The following SLC6A11 variants were observed in gnomAD, a reference collection of about 807,000 sequenced individuals.
SLC6A11 encodes the protein sodium- and chloride-dependent GABA transporter 3.
A neutral mutation model predicts 74.8 loss-of-function variants in SLC6A11; 25 were observed. That is an observed-to-expected ratio of 0.33 (90% CI 0.24 to 0.47). The LOEUF is 0.47. Among genes scored for constraint, SLC6A11 ranks in the 20% least tolerant of loss-of-function variants. The pLI is 1.00. For missense variants in SLC6A11, 574 were observed against 837.0 expected, an observed-to-expected ratio of 0.69 and a Z score of 3.88; for synonymous variants, 330 against 330.2, an observed-to-expected ratio of 1.00 and a Z score of 0.01.
At chr3:10,883,155 G>C (rs1371538817) in intron 6 of SLC6A11, among the ~76,000 whole-genome samples, 1 of 152,202 alleles carries the variant, frequency 6.6e-6, no homozygotes, top group Non-Finnish European at 1.5e-5. Flanking sequence ...CGACACAGCA[G>C]CTTGCCGCTT....
intron 9 of SLC6A11, among the ~76,000 whole-genome samples, chr3:10,928,782 C>A (rs1695644159): frequency 6.6e-6 from 1 of 152,010 alleles, no homozygotes; most frequent in Non-Finnish European, 1.5e-5. Flanking sequence ...GCACGTAACT[C>A]CCACTACAGG....
intron 5 of SLC6A11, among the ~76,000 whole-genome samples, chr3:10,851,963 A>G (rs7647698): frequency 0.087 from 13,272 of 152,294 alleles, 856 homozygotes; most frequent in African/African-American, 0.17. Flanking sequence ...AGCCATCAGG[A>G]GCCCCACACA....
intron 7 of SLC6A11, 147 bp downstream of exon 7, chr3:10,912,340 T>C (rs1575699939): frequency 1.6e-6 from 1 of 629,970 alleles, no homozygotes. Flanking sequence ...TACCGAAGGG[T>C]CAAAGAGTGG....
intron 6 of SLC6A11, among the ~76,000 whole-genome samples, chr3:10,896,912 C>A (rs189312111): frequency 3.5e-4 from 53 of 152,292 alleles, no homozygotes; most frequent in African/African-American, 1.1e-3. Flanking sequence ...TAAACACATA[C>A]CCGAGACTGG....
At chr3:10,850,431 G>A (rs1694558844) in intron 5 of SLC6A11, among the ~76,000 whole-genome samples, 2 of 152,176 alleles carry the variant, frequency 1.3e-5, no homozygotes, top group South Asian at 2.1e-4. Flanking sequence ...TTTCAATGGC[G>A]AGTGAACCAG....
At chr3:10,840,215 C>G (rs950674067) in intron 4 of SLC6A11, among the ~76,000 whole-genome samples, 1 of 152,218 alleles carries the variant, frequency 6.6e-6, no homozygotes, top group African/African-American at 2.4e-5. Context: ...TCACCCAGCC[C>G]TAGCTGCACT....
intron 6 of SLC6A11, among the ~76,000 whole-genome samples, chr3:10,893,884 G>T (rs931533920): frequency 5.9e-5 from 9 of 152,236 alleles, no homozygotes; most frequent in African/African-American, 2.2e-4. Flanking sequence ...CCTTAAGTAC[G>T]TTGGCATTGA....
chr3:10,826,971 G>C (rs1415871154), intron 4 of SLC6A11, among the ~76,000 whole-genome samples: 1 of 152,230 alleles, frequency 6.6e-6, no homozygotes, highest in Non-Finnish European at 1.5e-5. Flanking sequence ...TTTCTATTCA[G>C]ATTGCATCTC....
chr3:10,937,206 C>G (rs1695769752), intron 13 of SLC6A11, among the ~76,000 whole-genome samples: 1 of 152,114 alleles, frequency 6.6e-6, no homozygotes, highest in South Asian at 2.1e-4. Context: ...CGTTATTATC[C>G]CCCTTTACAG....
Position 10,918,634 on chromosome 3 carries a change from A to G in SLC6A11, c.1120+181A>G, listed in dbSNP as rs1695492108. ...AATTACCTAGGAGGAAAGTCTCGAC[A>G]CCTCCTCCCTCCCAAATCCAAGGCA... On this transcript the variant is annotated intron_variant, in intron 8 of 13. Coordinates refer to ENST00000254488, the MANE Select transcript of SLC6A11 (RefSeq NM_014229.3). The surrounding 1 kb of genome is among the most constrained non-coding windows in gnomAD (Gnocchi z 4.5). Among the ~76,000 whole-genome samples, 1 of 151,784 alleles carries G rather than the reference A, an allele frequency of 6.6e-6. No individual in the cohort carries two copies. The highest frequency in any genetic ancestry group is 2.1e-4 in the South Asian group (1 of 4,788).
rs528959859 is a variant in SLC6A11, at chr3:10,823,331, G to A, written c.562G>A (p.Val188Met). The change falls in exon 4 of 14, where the codon GTG becomes ATG. Residue 188 changes from valine to methionine, a missense_variant. Val to Met is a conservative substitution (Grantham distance 21). Coordinates refer to ENST00000254488, the MANE Select transcript of SLC6A11 (RefSeq NM_014229.3). ...TTGTGTGGAGTTCCAGAAACTGAAT[G>A]TGAGCAACTACAGCCATGTGTCTCT... ...ENCVEFQKLN[V>M]SNYSHVSLQN... is the part of the protein sequence containing the mutation. 6.2e-7 allele frequency: 1 copy of A among 1,613,682 alleles called. No homozygotes were observed. The highest frequency in any genetic ancestry group is 8.5e-7 in the Non-Finnish European group (1 of 1,179,596).
At chr3:10,860,271 A>G (rs1263727046) in intron 5 of SLC6A11, among the ~76,000 whole-genome samples, 1 of 152,248 alleles carries the variant, frequency 6.6e-6, no homozygotes, top group Non-Finnish European at 1.5e-5. Flanking sequence ...TATAGTGATG[A>G]AACAGGAACA....
chr3:10,826,880 C>T (rs560195337), intron 4 of SLC6A11, among the ~76,000 whole-genome samples: 13 of 152,334 alleles, frequency 8.5e-5, no homozygotes, highest in Non-Finnish European at 1.6e-4. Context: ...TTGTGTGCAT[C>T]CTCATCGGTA....
chr3:10,872,494 G>T (rs1694839351), intron 5 of SLC6A11, among the ~76,000 whole-genome samples: 1 of 152,180 alleles, frequency 6.6e-6, no homozygotes, highest in South Asian at 2.1e-4. Flanking sequence ...TGCAGTGAGG[G>T]ACTCACTCTG....
intron 4 of SLC6A11, among the ~76,000 whole-genome samples, chr3:10,832,703 T>G (rs1265969817): frequency 6.6e-6 from 1 of 152,170 alleles, no homozygotes. Context: ...CTCCTATTAC[T>G]CTCCTTTTTG....
intron 6 of SLC6A11, among the ~76,000 whole-genome samples, chr3:10,910,947 A>G (rs1695377798): frequency 6.8e-6 from 1 of 148,106 alleles, no homozygotes; most frequent in Admixed American, 6.9e-5. Context: ...TCAGCCTCCC[A>G]CGTAGCTGGG....
chr3:10,879,393 G>A (rs1336700910), intron 6 of SLC6A11, among the ~76,000 whole-genome samples: 1 of 152,114 alleles, frequency 6.6e-6, no homozygotes. Context: ...GCAGGAAGAA[G>A]CCCAGTGTGG....
Position 10,933,125 on chromosome 3 carries a change from C to T in SLC6A11, c.1372-26C>T, listed in dbSNP as rs567696287. 12 of 1,552,070 alleles carry T rather than the reference C, an allele frequency of 7.7e-6. No individual in the cohort carries two copies. The East Asian group carries it at 1.3e-4, about 17-fold the overall frequency. On this transcript the variant is annotated intron_variant, in intron 10 of 13. Transcript: ENST00000254488. ...TCCCGTGTGTCCGTTCACCTCCCAT[C>T]CGTGTGTCTGTTCCCCGACCTGCAG... is the stretch of plus-strand genomic sequence containing the variant.
chr3:10,862,667 G>A (rs974920916), intron 5 of SLC6A11, among the ~76,000 whole-genome samples: 2 of 152,176 alleles, frequency 1.3e-5, no homozygotes, highest in Non-Finnish European at 2.9e-5. Flanking sequence ...TCTAGATCAG[G>A]ACTCTGGAGC....
Sources: allele counts gnomAD v4.1 joint callset (sites outside exome capture counted in the v4.1 genomes callset), GRCh38; gene constraint gnomAD v4.1.1; non-coding constraint Gnocchi (gnomAD v3.1); transcripts MANE v1.5; gene names NCBI Gene and HGNC (gene_info 2026-07-23, HGNC 2026-07-21).